The following CHIC2 variants were observed in gnomAD, a reference collection of about 807,000 sequenced individuals.
The protein encoded by CHIC2 is cysteine rich hydrophobic domain 2, also known as cysteine-rich hydrophobic domain-containing protein 2.
A neutral mutation model predicts 25.9 loss-of-function variants in CHIC2; 14 were observed. That is an observed-to-expected ratio of 0.54 (90% CI 0.36 to 0.85). CHIC2 has a LOEUF of 0.85. CHIC2 is among the 40% of genes least tolerant of loss of function. The probability of loss-of-function intolerance (pLI) is 0.01; values close to 1 mark genes in which losing one functional copy is unlikely to be tolerated. For synonymous variants in CHIC2, 70 were observed against 72.0 expected, an observed-to-expected ratio of 0.97 and a Z score of 0.14; for missense variants, 146 against 202.0, an observed-to-expected ratio of 0.72 and a Z score of 1.68.
chr4:54,078,987 C>T, the CHIC2 span, among the ~76,000 whole-genome samples: 6 of 151,408 alleles, frequency 4.0e-5, no homozygotes, highest in Non-Finnish European at 8.8e-5. Context: ...GAGGCTGAGG[C>T]AGGCAGATCA....
chr4:54,034,430 T>C (rs1716322915), intron 3 of CHIC2, among the ~76,000 whole-genome samples: 1 of 152,044 alleles, frequency 6.6e-6, no homozygotes, highest in Non-Finnish European at 1.5e-5. Context: ...TTTCCTCTTC[T>C]GACACAAGAA....
intron 3 of CHIC2, among the ~76,000 whole-genome samples, chr4:54,032,394 T>TCA (rs1716258069): frequency 1.3e-5 from 2 of 151,516 alleles, no homozygotes; most frequent in Non-Finnish European, 2.9e-5. Flanking sequence ...GCCTGCCGAG[T>TCA]GCCTGCGATT....
At chr4:54,070,479 A>G in the CHIC2 span, among the ~76,000 whole-genome samples, 1 of 151,920 alleles carries the variant, frequency 6.6e-6, no homozygotes. Context: ...CTGGAGTGCA[A>G]TGGCACAATC....
At chr4:54,059,745 T>C (rs945689953) in intron 1 of CHIC2, 1 of 152,198 alleles carries the variant, frequency 6.6e-6, no homozygotes, top group African/African-American at 2.4e-5. Flanking sequence ...GTGATTCATT[T>C]GGCAATTCTG....
intron 1 of CHIC2, among the ~76,000 whole-genome samples, chr4:54,050,218 A>G (rs1011074205): frequency 2.6e-5 from 4 of 152,106 alleles, no homozygotes; most frequent in Admixed American, 2.0e-4. Context: ...TTACTTTTAT[A>G]TAATTTGAGA....
intron 1 of CHIC2, among the ~76,000 whole-genome samples, chr4:54,063,588 T>C (rs1370687243): frequency 6.6e-6 from 1 of 152,270 alleles, no homozygotes; most frequent in African/African-American, 2.4e-5. Flanking sequence ...GTTGTTGTTG[T>C]TGTTGTAAAC....
upstream of CHIC2, among the ~76,000 whole-genome samples, chr4:54,068,085 TG>T (rs1717554676): frequency 6.6e-6 from 1 of 152,162 alleles, no homozygotes; most frequent in South Asian, 2.1e-4. Context: ...TCGATCTCTC[TG>T]TGCCATGGGG....
At chr4:54,031,261 T>C (rs1560386862) in intron 3 of CHIC2, among the ~76,000 whole-genome samples, 1 of 151,966 alleles carries the variant, frequency 6.6e-6, no homozygotes, top group Admixed American at 6.6e-5. Context: ...TTACTATCCT[T>C]TATACTGTAT....
intron 3 of CHIC2, among the ~76,000 whole-genome samples, chr4:54,041,025 T>G (rs1025655063): frequency 6.7e-6 from 1 of 149,982 alleles, no homozygotes; most frequent in African/African-American, 2.4e-5. Context: ...CAAGCGATTC[T>G]TCTGCCTCAG....
At chr4:54,052,023 G>A (rs1717019714) in intron 1 of CHIC2, among the ~76,000 whole-genome samples, 1 of 152,078 alleles carries the variant, frequency 6.6e-6, no homozygotes, top group South Asian at 2.1e-4. Context: ...CTTTCATATA[G>A]CATGCTTTCT....
At chr4:54,038,193 C>G (rs1716451036) in intron 3 of CHIC2, among the ~76,000 whole-genome samples, 1 of 152,100 alleles carries the variant, frequency 6.6e-6, no homozygotes, top group Admixed American at 6.6e-5. Flanking sequence ...TCATTATTTT[C>G]TGACAACATA....
chr4:54,035,604 A>C (rs1716360545), intron 3 of CHIC2, among the ~76,000 whole-genome samples: 1 of 151,856 alleles, frequency 6.6e-6, no homozygotes, highest in African/African-American at 2.4e-5. Context: ...AACTTAATTT[A>C]TCTCTTTCTT....
At chr4:54,022,031 G>A (rs182847422) in intron 3 of CHIC2, among the ~76,000 whole-genome samples, 360 of 152,226 alleles carry the variant, frequency 2.4e-3, no homozygotes, top group Non-Finnish European at 3.4e-3. Flanking sequence ...CACCTGAAGT[G>A]CAGCTGCCAG....
chr4:54,013,731 A>T, intron 5 of CHIC2, 106 bp downstream of exon 5: 1 of 1,102,998 alleles, frequency 9.1e-7, no homozygotes, highest in Non-Finnish European at 1.3e-6. Flanking sequence ...TCAGGAGATT[A>T]AGCTCCTGAC....
chr4:54,071,206 T>C, the CHIC2 span, among the ~76,000 whole-genome samples: 2 of 152,222 alleles, frequency 1.3e-5, no homozygotes, highest in Admixed American at 6.5e-5. Flanking sequence ...AGATTAAGCA[T>C]CCTTAATCTG....
At chr4:54,047,793 G>A (rs1021481138) in intron 3 of CHIC2, among the ~76,000 whole-genome samples, 2 of 151,106 alleles carry the variant, frequency 1.3e-5, no homozygotes, top group South Asian at 2.1e-4. Flanking sequence ...AGAATTTAAC[G>A]TATAATAATT....
chr4:54,034,318 C>T (rs7686851), intron 3 of CHIC2, among the ~76,000 whole-genome samples: 40,438 of 151,670 alleles, frequency 0.27, 6,229 homozygotes, highest in Middle Eastern at 0.4. Flanking sequence ...GCAGGAGAAT[C>T]GCTTGAACCT....
rs1715665596 is a variant in CHIC2, at chr4:54,013,931, G to A, written c.388-35C>T. 1.9e-6 allele frequency: 3 copies of A among 1,607,482 alleles called. No homozygotes were observed. In the African/African-American group the frequency reaches 4.0e-5, roughly 22 times the overall value. ...TAGGAAAGTAAAAGAAGAAAAATGA[G>A]CTCTATTTTATTGCAGCACACAGAC... On this transcript the variant is annotated intron_variant, in intron 4 of 5. Coordinates refer to ENST00000263921, the MANE Select transcript of CHIC2 (RefSeq NM_012110.4).
At chr4:54,041,178 A>C (rs577372407) in intron 3 of CHIC2, among the ~76,000 whole-genome samples, 1 of 151,976 alleles carries the variant, frequency 6.6e-6, no homozygotes, top group East Asian at 2.0e-4. Context: ...AAGGCAAGAC[A>C]GAACTGCAGT....
Sources: allele counts gnomAD v4.1 joint callset (sites outside exome capture counted in the v4.1 genomes callset), GRCh38; gene constraint gnomAD v4.1.1; transcripts MANE v1.5; gene names NCBI Gene and HGNC (gene_info 2026-07-23, HGNC 2026-07-21).